The following SH3GL3 variants were observed in gnomAD, a reference collection of about 807,000 sequenced individuals.
SH3GL3 encodes the protein endophilin-A3.
A neutral mutation model predicts 47.7 loss-of-function variants in SH3GL3; 33 were observed. The observed-to-expected ratio is 0.69, with a 90% CI of 0.52 to 0.92. SH3GL3 has a LOEUF of 0.92. SH3GL3 is among the 40% of genes least tolerant of loss of function. The pLI is 0.00. For synonymous variants in SH3GL3, 155 were observed against 148.8 expected, an observed-to-expected ratio of 1.04 and a Z score of -0.30; for missense variants, 363 against 417.8, an observed-to-expected ratio of 0.87 and a Z score of 1.14.
chr15:83,546,003 T>C lies in SH3GL3; in HGVS notation c.46-13250T>C, dbSNP rs933026700. 2.6e-5 allele frequency among the ~76,000 whole-genome samples: 4 copies of C among 152,242 alleles called. No homozygotes were observed. The South Asian group carries it at 8.3e-4, about 31-fold the overall frequency. The stretch of plus-strand genomic sequence containing the variant: ...CTGAAGCCAGAACAGTACTGGGTCT[T>C]GCCCAAGATGTATTACAACTATTTC... On this transcript the variant is annotated intron_variant, in intron 1 of 8. Transcript: ENST00000427482.
At chr15:83,484,987 C>T (rs1157767662) in intron 1 of SH3GL3, among the ~76,000 whole-genome samples, 2 of 152,122 alleles carry the variant, frequency 1.3e-5, no homozygotes, top group African/African-American at 4.8e-5. Flanking sequence ...CTTCCAAAAC[C>T]TCCTGTTGGG....
chr15:83,595,507 T>TA (rs71156088), intron 8 of SH3GL3, among the ~76,000 whole-genome samples: 266 of 135,298 alleles, frequency 2.0e-3, no homozygotes, highest in African/African-American at 3.4e-3. Context: ...ACCTAAAAGT[T>TA]AAAAAAAAAA....
intron 8 of SH3GL3, among the ~76,000 whole-genome samples, chr15:83,610,549 A>G (rs1234382343): frequency 6.6e-6 from 1 of 152,130 alleles, no homozygotes; most frequent in East Asian, 1.9e-4. Flanking sequence ...AAGGAAAAGG[A>G]AAAGAGAAAA....
intron 1 of SH3GL3, among the ~76,000 whole-genome samples, chr15:83,515,071 G>T (rs544192067): frequency 3.9e-5 from 6 of 152,238 alleles, no homozygotes; most frequent in African/African-American, 1.2e-4. Context: ...CCAGCCCCTT[G>T]ATTTTAGCCC....
chr15:83,563,675 G>C (rs2045391068), intron 2 of SH3GL3, among the ~76,000 whole-genome samples: 1 of 151,916 alleles, frequency 6.6e-6, no homozygotes, highest in Non-Finnish European at 1.5e-5. Flanking sequence ...GTCTCGCTCT[G>C]TTGCCCAGGC....
intron 6 of SH3GL3, among the ~76,000 whole-genome samples, chr15:83,584,088 G>A (rs1363215137): frequency 6.6e-6 from 1 of 152,186 alleles, no homozygotes; most frequent in East Asian, 1.9e-4. Flanking sequence ...AAATCAAGGT[G>A]TGGGTAGGGC....
chr15:83,626,657 CT>C, the SH3GL3 span, among the ~76,000 whole-genome samples: 5 of 152,156 alleles, frequency 3.3e-5, no homozygotes, highest in African/African-American at 1.2e-4. Flanking sequence ...TGTGCAGAAA[CT>C]TTGACAATGA....
At chr15:83,549,454 C>T (rs919698169) in intron 1 of SH3GL3, among the ~76,000 whole-genome samples, 1 of 152,144 alleles carries the variant, frequency 6.6e-6, no homozygotes, top group Admixed American at 6.5e-5. Flanking sequence ...GCATTCCAGG[C>T]TTTGTGAGGG....
chr15:83,626,085 G>GC, the SH3GL3 span, among the ~76,000 whole-genome samples: 1 of 152,176 alleles, frequency 6.6e-6, no homozygotes, highest in African/African-American at 2.4e-5. Context: ...GCCCGTGTTG[G>GC]CCTCCCAAAG....
intron 1 of SH3GL3, among the ~76,000 whole-genome samples, chr15:83,554,093 C>T (rs1050332366): frequency 2.0e-5 from 3 of 147,768 alleles, no homozygotes; most frequent in Non-Finnish European, 3.0e-5. Flanking sequence ...GATCTCAGCT[C>T]ATTGCAACCT....
chr15:83,619,979 G>A (rs1276491410), downstream of SH3GL3, among the ~76,000 whole-genome samples: 1 of 152,122 alleles, frequency 6.6e-6, no homozygotes, highest in African/African-American at 2.4e-5. Context: ...TAAATCCTTT[G>A]TTGCCATTAC....
intron 1 of SH3GL3, among the ~76,000 whole-genome samples, chr15:83,470,607 A>T (rs559538642): frequency 1.3e-5 from 2 of 152,194 alleles, no homozygotes; most frequent in Non-Finnish European, 2.9e-5. Context: ...TAACTGGTGC[A>T]TGTAGACCAC....
chr15:83,625,131 C>T, the SH3GL3 span, among the ~76,000 whole-genome samples: 11 of 152,038 alleles, frequency 7.2e-5, no homozygotes, highest in Non-Finnish European at 1.2e-4. Context: ...TGGTGGCACA[C>T]GCCTGTACTC....
chr15:83,508,502 C>T (rs965856043), intron 1 of SH3GL3, among the ~76,000 whole-genome samples: 2 of 151,892 alleles, frequency 1.3e-5, no homozygotes, highest in Non-Finnish European at 2.9e-5. Context: ...TGTATGGGGC[C>T]TTAGTGTAAA....
At chr15:83,580,487 G>C (rs1006695301) in intron 6 of SH3GL3, among the ~76,000 whole-genome samples, 1 of 152,222 alleles carries the variant, frequency 6.6e-6, no homozygotes, top group Admixed American at 6.5e-5. Context: ...ACATGCTTCT[G>C]TTACTGTGGT....
intron 1 of SH3GL3, among the ~76,000 whole-genome samples, chr15:83,510,291 G>A (rs778496229): frequency 3.3e-5 from 5 of 152,094 alleles, no homozygotes; most frequent in African/African-American, 4.8e-5. Context: ...TGAATAAAAC[G>A]TCTTTGTTCA....
intron 1 of SH3GL3, among the ~76,000 whole-genome samples, chr15:83,466,275 A>G (rs1191490766): frequency 6.6e-6 from 1 of 152,124 alleles, no homozygotes; most frequent in Non-Finnish European, 1.5e-5. Flanking sequence ...TCAACCATTA[A>G]CATGTGGAAG....
At position 83,479,508 on chromosome 15, in the gene SH3GL3, A is replaced by C. The variant is rs185690795; in HGVS notation, c.45+31930A>C. Among the ~76,000 whole-genome samples the C allele has an allele frequency of 6.0e-3, 919 of 152,290 alleles. 5 individuals are homozygous for C. The highest frequency in any genetic ancestry group is 0.011 in the South Asian group (52 of 4,812). On this transcript the variant is annotated intron_variant, in intron 1 of 8. Coordinates refer to ENST00000427482, the MANE Select transcript of SH3GL3 (RefSeq NM_003027.5). ...CTCATTCTTCCTAGGGAACTCTCAC[A>C]GACAGCATAGAAGCCACCTGAGAGT...
intron 2 of SH3GL3, among the ~76,000 whole-genome samples, chr15:83,561,223 T>C (rs1033098845): frequency 5.9e-5 from 9 of 152,134 alleles, no homozygotes; most frequent in Non-Finnish European, 1.0e-4. Flanking sequence ...TTATCAATTA[T>C]GTACTAGGTT....
Sources: allele counts gnomAD v4.1 joint callset (sites outside exome capture counted in the v4.1 genomes callset), GRCh38; gene constraint gnomAD v4.1.1; transcripts MANE v1.5; gene names NCBI Gene and HGNC (gene_info 2026-07-23, HGNC 2026-07-21).